Variants in SASH1 observed in about 807,000 individuals in gnomAD.
SASH1 encodes SAM and SH3 domain containing 1.
SASH1 carries 44 observed loss-of-function variants against 125.2 expected under a neutral mutation model. The observed-to-expected ratio is 0.35, with a 90% CI of 0.28 to 0.45. The LOEUF (loss-of-function observed/expected upper bound fraction) is 0.45, where lower values mean the gene tolerates loss of function less well. SASH1 is among the 20% of genes least tolerant of loss of function. The pLI is 1.00. For missense variants in SASH1, 1,426 were observed against 1,614.5 expected, an observed-to-expected ratio of 0.88 and a Z score of 2.00; for synonymous variants, 639 against 649.1, an observed-to-expected ratio of 0.98 and a Z score of 0.24.
chr6:148,389,290 C>T (rs1783604868), intron 1 of SASH1, among the ~76,000 whole-genome samples: 2 of 152,174 alleles, frequency 1.3e-5, no homozygotes. Context: ...TTGAGACGTG[C>T]CTAAGGCCAC....
At chr6:148,411,385 T>C (rs913976881) in intron 2 of SASH1, among the ~76,000 whole-genome samples, 1 of 151,980 alleles carries the variant, frequency 6.6e-6, no homozygotes, top group African/African-American at 2.4e-5. Flanking sequence ...GAAGACAAGA[T>C]TTATGGAGTT....
At chr6:148,204,753 G>C in the SASH1 span, among the ~76,000 whole-genome samples, 31 of 151,908 alleles carry the variant, frequency 2.0e-4, no homozygotes, top group African/African-American at 7.5e-4. Flanking sequence ...ACTATAGTAA[G>C]TATCCAGACC....
chr6:148,361,914 CTTT>C (rs745596285), intron 1 of SASH1, among the ~76,000 whole-genome samples: 7 of 125,502 alleles, frequency 5.6e-5, no homozygotes, highest in Non-Finnish European at 8.3e-5. Flanking sequence ...TTTTCTTTTT[CTTT>C]TTTTTTTTTT....
Position 148,482,472 on chromosome 6 carries a change from A to G in SASH1, c.628-5142A>G, listed in dbSNP as rs568180917. On this transcript the variant is annotated intron_variant, in intron 7 of 19. Coordinates refer to ENST00000367467, the MANE Select transcript of SASH1 (RefSeq NM_015278.5). ...AATAAAGTCCTTTGGAGATGAAGCA[A>G]AGAGCACTTAATGTTTGTCATTGAC... Among the ~76,000 whole-genome samples the G allele has an allele frequency of 2.6e-5, 4 of 152,262 alleles. No individual in the cohort carries two copies. In the South Asian group the frequency reaches 8.3e-4, roughly 32 times the overall value.
the SASH1 span, among the ~76,000 whole-genome samples, chr6:148,208,299 C>T: frequency 7.1e-3 from 1,075 of 152,280 alleles, 17 homozygotes; most frequent in African/African-American, 0.023. Context: ...AAGGACTATT[C>T]GGAAAACATT....
intron 1 of SASH1, among the ~76,000 whole-genome samples, chr6:148,376,956 G>T (rs1193814406): frequency 1.3e-5 from 2 of 151,164 alleles, no homozygotes; most frequent in Non-Finnish European, 2.9e-5. Context: ...GGATCACGAG[G>T]TCAGGAGATC....
the SASH1 span, among the ~76,000 whole-genome samples, chr6:148,233,122 G>C: frequency 1.3e-5 from 2 of 151,856 alleles, no homozygotes; most frequent in South Asian, 4.2e-4. Flanking sequence ...GCTGAGGCAG[G>C]AGAATTGCTT....
chr6:148,245,381 C>A, the SASH1 span, among the ~76,000 whole-genome samples: 3 of 152,192 alleles, frequency 2.0e-5, no homozygotes, highest in Admixed American at 2.0e-4. Context: ...AAAAGTGATA[C>A]AAAGATAGAG....
intron 1 of SASH1, among the ~76,000 whole-genome samples, chr6:148,336,635 T>A (rs949632775): frequency 1.3e-5 from 2 of 152,214 alleles, no homozygotes; most frequent in African/African-American, 4.8e-5. Context: ...GAGGCCTTTA[T>A]AAGACAGAAA....
At chr6:148,428,430 G>C (rs544790738) in intron 2 of SASH1, among the ~76,000 whole-genome samples, 192 of 152,138 alleles carry the variant, frequency 1.3e-3, no homozygotes, top group Non-Finnish European at 2.1e-3. Flanking sequence ...TTAAGAGTTC[G>C]CGACAGCCTG....
intron 1 of SASH1, among the ~76,000 whole-genome samples, chr6:148,369,507 A>G (rs891226168): frequency 2.6e-5 from 4 of 152,202 alleles, no homozygotes; most frequent in African/African-American, 7.2e-5. Context: ...TGAGTGTTCT[A>G]CATGGATTAT....
At chr6:148,229,572 A>T in the SASH1 span, among the ~76,000 whole-genome samples, 1 of 152,290 alleles carries the variant, frequency 6.6e-6, no homozygotes, top group East Asian at 1.9e-4. Context: ...GCTGTTTAAA[A>T]AAAAAGTGAC....
chr6:148,298,053 C>A (rs561412408), intron 1 of SASH1, among the ~76,000 whole-genome samples: 1 of 150,318 alleles, frequency 6.7e-6, no homozygotes, highest in East Asian at 2.0e-4. Flanking sequence ...GTCGCCCAGG[C>A]TGGACTCCAG....
At chr6:148,293,894 A>G (rs933399922) in intron 1 of SASH1, among the ~76,000 whole-genome samples, 3 of 152,212 alleles carry the variant, frequency 2.0e-5, no homozygotes, top group Non-Finnish European at 4.4e-5. Flanking sequence ...AATATTTCTT[A>G]TTCAAATACA....
chr6:148,363,332 G>C (rs190973820), intron 1 of SASH1, among the ~76,000 whole-genome samples: 17 of 152,006 alleles, frequency 1.1e-4, no homozygotes, highest in African/African-American at 4.1e-4. Context: ...TGTAGAGACA[G>C]GGTTTCACCA....
At position 148,471,411 on chromosome 6, in the gene SASH1, T is replaced by TA; in HGVS notation, c.428-6_428-5insA. On this transcript the variant is annotated splice_region_variant and splice_polypyrimidine_tract_variant and intron_variant, in intron 5 of 19. Transcript: ENST00000367467. ...CTTTTTTTTTTTTTTTTTTTTTTTT[T>TA]TTAAGGAAAAGGAGACTGGAAGAAG... The TA allele has an allele frequency of 8.2e-7, 1 of 1,224,402 alleles. No individual in the cohort carries two copies. The allele number at this position is 1,224,402 out of a possible 1,614,324, so 75.8% of individuals were successfully genotyped here. A position where few individuals can be genotyped will look rare whatever the true frequency, so the allele number is the denominator to read the frequency against.
chr6:148,545,327 T>C (rs1782491909), intron 18 of SASH1, among the ~76,000 whole-genome samples: 1 of 152,196 alleles, frequency 6.6e-6, no homozygotes, highest in African/African-American at 2.4e-5. Context: ...TAGGATGCAT[T>C]CCTGAGAGTC....
chr6:148,276,306 T>G (rs1490843234), intron 1 of SASH1, among the ~76,000 whole-genome samples: 2 of 152,134 alleles, frequency 1.3e-5, no homozygotes, highest in African/African-American at 4.8e-5. Context: ...GATTCTAAAT[T>G]TGAAATGGTG....
intron 1 of SASH1, among the ~76,000 whole-genome samples, chr6:148,322,768 C>T (rs978426987): frequency 6.6e-6 from 1 of 152,074 alleles, no homozygotes; most frequent in African/African-American, 2.4e-5. Flanking sequence ...CATTTTTCTT[C>T]ATTCTTTTGA....
Sources: gnomAD v4.1 joint callset for allele counts (sites outside exome capture counted in the v4.1 genomes callset) on GRCh38, gnomAD v4.1.1 for gene constraint, MANE v1.5 for transcripts, NCBI Gene and HGNC (gene_info 2026-07-23, HGNC 2026-07-21) for gene names.